Variants in AMPH observed in about 807,000 individuals in gnomAD.
AMPH encodes amphiphysin, also known as amphiphysin (Stiff-Mann syndrome with breast cancer 128kD autoantigen).
Under a neutral mutation model 99.1 loss-of-function variants are expected in AMPH, and 49 were observed. The ratio of observed to expected loss-of-function variants is 0.49; its 90% CI spans 0.39 to 0.63. The LOEUF (loss-of-function observed/expected upper bound fraction) is 0.63, where lower values mean the gene tolerates loss of function less well. Ranked by LOEUF, AMPH falls within the 20% of genes least tolerant of loss-of-function variation. AMPH has a pLI of 0.00. For missense variants in AMPH, 759 were observed against 863.4 expected (o/e 0.88, Z 1.52); for synonymous variants, 314 against 317.3 (o/e 0.99, Z 0.11).
intron 17 of AMPH, 69 bp from the exon 18 acceptor site, chr7:38,394,283 C>G (rs913185015): frequency 2.0e-6 from 3 of 1,527,562 alleles, no homozygotes; most frequent in Non-Finnish European, 2.7e-6. Context: ...AAACTCAAGC[C>G]TATTTCTAAT....
intron 5 of AMPH, among the ~76,000 whole-genome samples, chr7:38,487,115 T>C (rs1788529028): frequency 6.6e-6 from 1 of 152,084 alleles, no homozygotes; most frequent in Admixed American, 6.6e-5. Flanking sequence ...GAAGTAAAAT[T>C]GTACCTGTTG....
chr7:38,536,926 A>G (rs1470201306), intron 1 of AMPH, among the ~76,000 whole-genome samples: 2 of 152,154 alleles, frequency 1.3e-5, no homozygotes, highest in Non-Finnish European at 2.9e-5. Context: ...AAAGACTATA[A>G]CTATGTTAAA....
chr7:38,530,689 T>G (rs1790364723), intron 2 of AMPH, among the ~76,000 whole-genome samples: 1 of 152,228 alleles, frequency 6.6e-6, no homozygotes, highest in Admixed American at 6.5e-5. Flanking sequence ...ACCAAGGACC[T>G]TCTTTCCACA....
intron 1 of AMPH, among the ~76,000 whole-genome samples, chr7:38,591,933 C>G (rs569563439): frequency 6.6e-6 from 1 of 152,210 alleles, no homozygotes; most frequent in Non-Finnish European, 1.5e-5. Context: ...GACACACACA[C>G]AGAAATATAG....
chr7:38,578,919 C>A (rs902842677), intron 1 of AMPH, among the ~76,000 whole-genome samples: 6 of 152,124 alleles, frequency 3.9e-5, no homozygotes, highest in Non-Finnish European at 2.9e-5. Flanking sequence ...CAGCTAGATT[C>A]TTTTATTTAC....
intron 4 of AMPH, 119 bp downstream of exon 4, chr7:38,494,314 C>T (rs1277831281): frequency 1.2e-6 from 1 of 835,814 alleles, no homozygotes; most frequent in Non-Finnish European, 2.0e-6. Context: ...CTGCACAGTG[C>T]CTTCTGAGCA....
intron 17 of AMPH, among the ~76,000 whole-genome samples, chr7:38,413,498 G>A (rs976266006): frequency 6.6e-6 from 1 of 152,134 alleles, no homozygotes; most frequent in African/African-American, 2.4e-5. Context: ...AGAATTTGAT[G>A]GGCATGGATT....
chr7:38,534,356 C>T (rs1412350006), intron 2 of AMPH, among the ~76,000 whole-genome samples: 1 of 152,156 alleles, frequency 6.6e-6, no homozygotes, highest in Admixed American at 6.6e-5. Context: ...CACCAGCATT[C>T]CTATAGATCC....
chr7:38,607,292 G>A (rs910345052), intron 1 of AMPH, among the ~76,000 whole-genome samples: 13 of 152,130 alleles, frequency 8.5e-5, no homozygotes, highest in African/African-American at 3.1e-4. Flanking sequence ...CACCCAATAT[G>A]AAAGCAACTA....
At chr7:38,390,715 T>A (rs73118124) in intron 19 of AMPH, among the ~76,000 whole-genome samples, 11 of 152,294 alleles carry the variant, frequency 7.2e-5, no homozygotes, top group Non-Finnish European at 1.3e-4. Flanking sequence ...CTATATGGGG[T>A]GCCTTAGGTT....
chr7:38,387,068 T>C (rs1584023081), intron 20 of AMPH, among the ~76,000 whole-genome samples: 1 of 152,152 alleles, frequency 6.6e-6, no homozygotes, highest in Non-Finnish European at 1.5e-5. Flanking sequence ...GCATAAAGGG[T>C]ACAGACCCAC....
rs375071729 is a variant in AMPH at position 38,393,989 on chromosome 7, G to A, written c.1608+16C>T. The A allele has an allele frequency of 1.2e-5, 20 of 1,613,872 alleles. No individual in the cohort carries two copies. In the African/African-American group the frequency reaches 2.1e-4, roughly 17 times the overall value. ...ACTTCCCAGGAGCTCCCCTGGCTGC[G>A]ACATGGGACACTCACCTGAGGCACT... On this transcript the variant is annotated intron_variant, in intron 18 of 20. Transcript: ENST00000356264.
intron 1 of AMPH, among the ~76,000 whole-genome samples, chr7:38,604,110 CT>C (rs1793348898): frequency 6.6e-6 from 1 of 152,140 alleles, no homozygotes; most frequent in Non-Finnish European, 1.5e-5. Flanking sequence ...TTGTGCCTGT[CT>C]GAAATGGGAT....
intron 20 of AMPH, among the ~76,000 whole-genome samples, chr7:38,386,143 G>GA (rs1047005527): frequency 3.4e-5 from 5 of 148,630 alleles, no homozygotes; most frequent in East Asian, 2.2e-4. Flanking sequence ...AACCGCTGAG[G>GA]AAAAAAACGA....
At chr7:38,549,682 A>G (rs1301494788) in intron 1 of AMPH, among the ~76,000 whole-genome samples, 1 of 152,234 alleles carries the variant, frequency 6.6e-6, no homozygotes, top group Admixed American at 6.5e-5. Flanking sequence ...AATCCCACAT[A>G]TGGTCTTGGT....
chr7:38,468,299 C>G (rs1171263900), intron 7 of AMPH, among the ~76,000 whole-genome samples: 2 of 152,124 alleles, frequency 1.3e-5, no homozygotes, highest in Non-Finnish European at 2.9e-5. Context: ...TGTATTCCTT[C>G]TTTTGTGAAT....
chr7:38,568,309 C>CA (rs1010827121), intron 1 of AMPH, among the ~76,000 whole-genome samples: 51 of 152,162 alleles, frequency 3.4e-4, no homozygotes, highest in African/African-American at 1.2e-3. Context: ...ACTAAAAATA[C>CA]AAAAAATTAG....
In AMPH at chr7:38,519,995, AAAAT is replaced by A. The variant is rs750219725; in HGVS notation, c.150+14932_150+14935del. Among the ~76,000 whole-genome samples, 12 of 152,296 alleles carry A rather than the reference AAAAT, an allele frequency of 7.9e-5. No individual in the cohort carries two copies. The South Asian group carries it at 2.1e-3, about 26-fold the overall frequency. ...GAACCCTCTGAATCTAAGAAGTTGAAAAATAAATAAATAAATAAAAATCAAAAAA... is the reference window on the plus strand; with the variant it reads ...GAACCCTCTGAATCTAAGAAGTTGAAAAATAAATAAATAAAAATCAAAAAA... On this transcript the variant is annotated intron_variant, in intron 2 of 20. Transcript: ENST00000356264.
chr7:38,406,957 T>C (rs917905237), intron 17 of AMPH, among the ~76,000 whole-genome samples: 2 of 145,296 alleles, frequency 1.4e-5, no homozygotes, highest in African/African-American at 5.2e-5. Context: ...TGTCCCCAGC[T>C]TGCAGATGGC....
Sources: gnomAD v4.1 joint callset for allele counts (sites outside exome capture counted in the v4.1 genomes callset) on GRCh38, gnomAD v4.1.1 for gene constraint, MANE v1.5 for transcripts, NCBI Gene and HGNC (gene_info 2026-07-23, HGNC 2026-07-21) for gene names.